The following TBX15 variants were observed in gnomAD, a reference collection of about 807,000 sequenced individuals.
The protein encoded by TBX15 is T-box transcription factor TBX15.
A neutral mutation model predicts 53.9 loss-of-function variants in TBX15; 18 were observed. The observed-to-expected ratio is 0.33, with a 90% confidence interval of 0.23 to 0.49. The LOEUF (loss-of-function observed/expected upper bound fraction) is 0.49, where lower values mean the gene tolerates loss of function less well. Among genes scored for constraint, TBX15 ranks in the 20% least tolerant of loss-of-function variants. TBX15 has a pLI of 0.98. For missense variants in TBX15, 692 were observed against 749.5 expected (o/e 0.92, Z 0.90); for synonymous variants, 295 against 278.0 (o/e 1.06, Z -0.61).
chr1:118,897,133 T>A (rs1422422459), intron 7 of TBX15, among the ~76,000 whole-genome samples: 2 of 152,194 alleles, frequency 1.3e-5, no homozygotes, highest in African/African-American at 4.8e-5. Flanking sequence ...CCATGAAGCC[T>A]GCTATGCTGC....
intron 1 of TBX15, among the ~76,000 whole-genome samples, chr1:118,984,441 C>A (rs1415282591): frequency 1.3e-5 from 2 of 152,274 alleles, no homozygotes; most frequent in Admixed American, 6.5e-5. Context: ...GCTGAGGACT[C>A]CGGGTGGAGC....
At chr1:118,963,282 G>T (rs1656937646) in intron 1 of TBX15, among the ~76,000 whole-genome samples, 1 of 152,148 alleles carries the variant, frequency 6.6e-6, no homozygotes. Flanking sequence ...TGTTTTATCT[G>T]AACTATTACT....
intron 1 of TBX15, among the ~76,000 whole-genome samples, chr1:118,982,677 CA>C (rs1448977744): frequency 6.6e-6 from 1 of 152,206 alleles, no homozygotes; most frequent in Non-Finnish European, 1.5e-5. Context: ...AGATTTTAAA[CA>C]AATTTTCTTT....
intron 1 of TBX15, among the ~76,000 whole-genome samples, chr1:118,953,205 T>C (rs1360064580): frequency 1.3e-5 from 2 of 152,242 alleles, no homozygotes; most frequent in Non-Finnish European, 2.9e-5. Context: ...CCTCTGAACC[T>C]AACCCTCATA....
At chr1:118,968,481 A>G (rs989560143) in intron 1 of TBX15, among the ~76,000 whole-genome samples, 1 of 152,220 alleles carries the variant, frequency 6.6e-6, no homozygotes, top group Non-Finnish European at 1.5e-5. Context: ...TGCTGGGATT[A>G]CAGGTGTGAA....
intron 1 of TBX15, among the ~76,000 whole-genome samples, chr1:118,967,280 T>G (rs1024575346): frequency 2.0e-5 from 3 of 152,232 alleles, no homozygotes; most frequent in African/African-American, 7.2e-5. Context: ...TTTTATTTAT[T>G]GCTTTGTATT....
chr1:118,939,428 A>AAAAC (rs1656084780), intron 1 of TBX15, among the ~76,000 whole-genome samples: 1 of 101,468 alleles, frequency 9.9e-6, no homozygotes, highest in African/African-American at 4.4e-5. Context: ...AAAAAAAAAA[A>AAAAC]AAAAAAAACA....
intron 1 of TBX15, among the ~76,000 whole-genome samples, chr1:118,936,023 A>G (rs979324769): frequency 2.0e-5 from 3 of 152,140 alleles, no homozygotes; most frequent in Non-Finnish European, 4.4e-5. Flanking sequence ...ACAGCTGGCA[A>G]CTCTGTAACA....
upstream of TBX15, chr1:118,988,479 T>C (rs1657922372): frequency 6.6e-6 from 1 of 152,278 alleles, no homozygotes; most frequent in South Asian, 2.1e-4. Context: ...GCGCCAGTCG[T>C]CCCCTGGATG....
intron 4 of TBX15, among the ~76,000 whole-genome samples, chr1:118,924,253 A>C (rs1320335546): frequency 2.6e-5 from 4 of 152,200 alleles, no homozygotes; most frequent in Admixed American, 2.0e-4. Flanking sequence ...CCTATAAAAA[A>C]ATTCTTGACA....
chr1:118,893,863 T>A (rs972598124), intron 7 of TBX15, among the ~76,000 whole-genome samples: 3 of 152,210 alleles, frequency 2.0e-5, no homozygotes, highest in Non-Finnish European at 2.9e-5. Context: ...ATTTGAGTAC[T>A]AAATATACAC....
intron 2 of TBX15, among the ~76,000 whole-genome samples, chr1:118,928,688 G>A (rs1358621721): frequency 1.3e-5 from 2 of 152,176 alleles, no homozygotes; most frequent in South Asian, 2.1e-4. Flanking sequence ...TGTATTACAC[G>A]AAAGAGAGAG....
chr1:118,959,355 C>A (rs1273566248), intron 1 of TBX15, among the ~76,000 whole-genome samples: 1 of 152,206 alleles, frequency 6.6e-6, no homozygotes, highest in Non-Finnish European at 1.5e-5. Context: ...GGAAGGCAGA[C>A]AGCTGTGTTC....
At chr1:118,949,037 T>G (rs1044843932) in intron 1 of TBX15, among the ~76,000 whole-genome samples, 5 of 152,148 alleles carry the variant, frequency 3.3e-5, no homozygotes, top group Admixed American at 6.5e-5. Context: ...TCAACATGCA[T>G]GTCAGCTCTA....
intron 6 of TBX15, among the ~76,000 whole-genome samples, chr1:118,904,129 A>G (rs1044203609): frequency 6.6e-6 from 1 of 152,200 alleles, no homozygotes; most frequent in African/African-American, 2.4e-5. Flanking sequence ...GGAGAAGGGC[A>G]GTAGACACCA....
intron 2 of TBX15, among the ~76,000 whole-genome samples, chr1:118,931,008 G>A (rs1278238843): frequency 1.3e-5 from 2 of 152,214 alleles, no homozygotes; most frequent in Non-Finnish European, 2.9e-5. Flanking sequence ...ATGGAAAGTT[G>A]AAACATACCA....
chr1:118,979,556 C>T (rs1369053175), intron 1 of TBX15, among the ~76,000 whole-genome samples: 1 of 152,184 alleles, frequency 6.6e-6, no homozygotes, highest in African/African-American at 2.4e-5. Flanking sequence ...GCTCGAACTC[C>T]CCTCAGGGCG....
intron 1 of TBX15, among the ~76,000 whole-genome samples, chr1:118,966,901 G>A (rs1657050979): frequency 6.6e-6 from 1 of 152,176 alleles, no homozygotes; most frequent in Admixed American, 6.5e-5. Flanking sequence ...TTGGAGAAAA[G>A]CCAGTGATTT....
chr1:118,932,201 T>C (rs1655816210), intron 1 of TBX15, among the ~76,000 whole-genome samples: 1 of 152,176 alleles, frequency 6.6e-6, no homozygotes, highest in South Asian at 2.1e-4. Context: ...ACTAAAATAA[T>C]TATAAATTAC....
Sources: gnomAD v4.1 joint callset for allele counts (sites outside exome capture counted in the v4.1 genomes callset) on GRCh38, gnomAD v4.1.1 for gene constraint, MANE v1.5 for transcripts, NCBI Gene and HGNC (gene_info 2026-07-23, HGNC 2026-07-21) for gene names.